The following PCDHGA4 variants were observed in gnomAD, a reference collection of about 807,000 sequenced individuals.
PCDHGA4 encodes protocadherin gamma-A4.
Under a neutral mutation model 54.6 loss-of-function variants are expected in PCDHGA4, and 38 were observed. The ratio of observed to expected loss-of-function variants is 0.70; its 90% CI spans 0.54 to 0.91. The LOEUF is 0.91. Among genes scored for constraint, PCDHGA4 ranks in the 40% least tolerant of loss-of-function variants. PCDHGA4 has a pLI of 0.00. For synonymous variants in PCDHGA4, 511 were observed against 512.9 expected (o/e 1.00, Z 0.05); for missense variants, 1,298 against 1,220.9 (o/e 1.06, Z -0.94).
At chr5:141,501,326 CACACA>C (rs2099807944) in intron 2 of PCDHGA4, among the ~76,000 whole-genome samples, 1 of 151,784 alleles carries the variant, frequency 6.6e-6, no homozygotes, top group Non-Finnish European at 1.5e-5. Flanking sequence ...CACACACACA[CACACA>C]CACCCCAAAC....
At chr5:141,497,499 C>G (rs1217418941) in intron 2 of PCDHGA4, among the ~76,000 whole-genome samples, 3 of 151,416 alleles carry the variant, frequency 2.0e-5, no homozygotes, top group Non-Finnish European at 4.4e-5. Context: ...TCTCTCTCCT[C>G]TCTCTGCTTC....
chr5:141,384,804 A>C (rs1780531756), intron 1 of PCDHGA4: 1 of 1,613,332 alleles, frequency 6.2e-7, no homozygotes, highest in Non-Finnish European at 8.5e-7. Flanking sequence ...TGCTGGACAG[A>C]GATGCCCTCA....
chr5:141,495,276 G>A (rs1350329744), intron 2 of PCDHGA4, among the ~76,000 whole-genome samples: 1 of 152,190 alleles, frequency 6.6e-6, no homozygotes, highest in East Asian at 1.9e-4. Flanking sequence ...GACCGGAGGA[G>A]GCGGTCCGCA....
chr5:141,376,578 AT>A (rs1281725359), intron 1 of PCDHGA4: 1 of 1,590,896 alleles, frequency 6.3e-7, no homozygotes, highest in South Asian at 1.1e-5. Flanking sequence ...AGACAGGCTC[AT>A]CAGCTAGATC....
chr5:141,476,357 C>G lies in PCDHGA4; in HGVS notation c.2515-18450C>G. On this transcript the variant is annotated intron_variant, in intron 1 of 3. Transcript: ENST00000571252. The surrounding 1 kb of genome is among the most constrained non-coding windows in gnomAD (Gnocchi z 7.6). ...TAGCCGAAGATTCTTTGAGGTGAAC[C>G]GGGAGACCGGAGAGATGTTTGTGAA... The G allele has an allele frequency of 6.2e-7, 1 of 1,614,052 alleles. No individual in the cohort carries two copies. Among genetic ancestry groups the G allele is most frequent in the South Asian group, 1.1e-5 (1 of 91,078 alleles).
rs70988800 is a variant in PCDHGA4 at position 141,379,889 on chromosome 5, C to CTTTTTTTTTTTTTTTT, written c.2514+22283_2514+22298dup. 2.0e-3 allele frequency among the ~76,000 whole-genome samples: 102 copies of CTTTTTTTTTTTTTTTT among 50,818 alleles called. 16 individuals carry two copies. The highest frequency in any genetic ancestry group is 2.6e-3 in the Non-Finnish European group (66 of 25,878). The allele number at this position is 50,818 out of a possible 152,430, so 33.3% of individuals were successfully genotyped here. On this transcript the variant is annotated intron_variant, in intron 1 of 3. Transcript: ENST00000571252. Reference sequence around the variant, plus strand: ...CTTATTTTATGGTCTGTGAAAGCCTCTTTTTTTTTTTTTTTTTTTTTTTTT... The same window carrying CTTTTTTTTTTTTTTTT: ...CTTATTTTATGGTCTGTGAAAGCCTCTTTTTTTTTTTTTTTTTTTTTTTTTTTTTTTTTTTTTTTTT...
rs1290674122 is a variant in PCDHGA4 at position 141,489,521 on chromosome 5, G to A, written c.2515-5286G>A. 3 of 1,613,988 alleles carry A rather than the reference G, an allele frequency of 1.9e-6. No individual in the cohort carries two copies. The highest frequency in any genetic ancestry group is 2.2e-5 in the East Asian group (1 of 44,886). On this transcript the variant is annotated intron_variant, in intron 1 of 3. Coordinates refer to ENST00000571252, the MANE Select transcript of PCDHGA4 (RefSeq NM_018917.4). This position sits in a 1 kb window ranked among gnomAD's most constrained non-coding sequence, Gnocchi z 4.5. ...GTGAATCAAAAGATTGACCGAGAAAGCCTATGTGGAGCCAGCACCAGCTGC... is the reference window on the plus strand; with the variant it reads ...GTGAATCAAAAGATTGACCGAGAAAACCTATGTGGAGCCAGCACCAGCTGC...
chr5:141,423,138 C>A (rs767107885), intron 1 of PCDHGA4: 3 of 1,613,606 alleles, frequency 1.9e-6, no homozygotes, highest in Non-Finnish European at 2.5e-6. Context: ...TGGACAGAGA[C>A]GCGCTCAAGC....
At chr5:141,405,505 C>A in intron 1 of PCDHGA4, 2 of 751,126 alleles carry the variant, frequency 2.7e-6, no homozygotes, top group Non-Finnish European at 4.2e-6. Context: ...TTGCAACCTC[C>A]GCCTCCCAAA....
At chr5:141,371,390 A>G in intron 1 of PCDHGA4, 1 of 1,614,000 alleles carries the variant, frequency 6.2e-7, no homozygotes, top group East Asian at 2.2e-5. Flanking sequence ...CATATTGTAA[A>G]GTACAGATAG....
chr5:141,510,428 G>A (rs1254357998), intron 3 of PCDHGA4, among the ~76,000 whole-genome samples: 2 of 152,092 alleles, frequency 1.3e-5, no homozygotes, highest in African/African-American at 4.8e-5. Flanking sequence ...TGGTTTCATG[G>A]CTGCTGCCCT....
At chr5:141,505,085 C>A (rs954289918) in intron 2 of PCDHGA4, among the ~76,000 whole-genome samples, 1 of 152,162 alleles carries the variant, frequency 6.6e-6, no homozygotes, top group Non-Finnish European at 1.5e-5. Context: ...TCGCTTGAAC[C>A]CAGGAGGTGG....
intron 1 of PCDHGA4, chr5:141,383,689 G>A (rs773858539): frequency 1.9e-6 from 3 of 1,614,036 alleles, no homozygotes; most frequent in South Asian, 1.1e-5. Flanking sequence ...ACTGCTCACG[G>A]TACATGCTAT....
At chr5:141,410,105 A>G in intron 1 of PCDHGA4, 1 of 1,612,376 alleles carries the variant, frequency 6.2e-7, no homozygotes, top group South Asian at 1.1e-5. Context: ...CTTAGGCGAC[A>G]GGGACGCAGC....
intron 1 of PCDHGA4, among the ~76,000 whole-genome samples, chr5:141,405,944 A>T (rs1435240635): frequency 6.6e-6 from 1 of 152,130 alleles, no homozygotes; most frequent in East Asian, 1.9e-4. Flanking sequence ...TCATGTTCTC[A>T]TAATAATTAA....
At chr5:141,389,552 T>C (rs752525339) in intron 1 of PCDHGA4, 14 of 1,613,104 alleles carry the variant, frequency 8.7e-6, no homozygotes, top group East Asian at 6.7e-5. Context: ...GCAACGACAA[T>C]GCGCCACGGG....
chr5:141,413,656 G>A, intron 1 of PCDHGA4: 1 of 1,613,872 alleles, frequency 6.2e-7, no homozygotes, highest in Non-Finnish European at 8.5e-7. Flanking sequence ...TCTCCCGGAA[G>A]CTATTGATCC....
In PCDHGA4 at chr5:141,356,785, C is replaced by A. The variant is rs377527999; in HGVS notation, c.1678C>A (p.Gln560Lys). 55 of 1,613,962 alleles carry A rather than the reference C, an allele frequency of 3.4e-5. No individual in the cohort carries two copies. The highest frequency in any genetic ancestry group is 6.7e-5 in the Admixed American group (4 of 60,030). Residue 560 changes from glutamine to lysine, a missense_variant, in exon 1 of 4, where the codon CAG becomes AAG. Transcript: ENST00000571252. The stretch of plus-strand genomic sequence containing the variant: ...CGACTATGAGCAGTTTAGAGACCTG[C>A]AGCTGCTGATGACAGCCAGTGACAG... Reference protein sequence around the residue: ...SFDYEQFRDLQLLMTASDSGD... With the variant: ...SFDYEQFRDLKLLMTASDSGD...
intron 1 of PCDHGA4, chr5:141,389,176 C>G (rs775758481): frequency 6.2e-7 from 1 of 1,614,064 alleles, no homozygotes; most frequent in South Asian, 1.1e-5. Flanking sequence ...CCTCCCCTCT[C>G]CTCCAGTTCC....
Sources: allele counts gnomAD v4.1 joint callset (sites outside exome capture counted in the v4.1 genomes callset), GRCh38; gene constraint gnomAD v4.1.1; non-coding constraint Gnocchi (gnomAD v3.1); transcripts MANE v1.5; gene names NCBI Gene and HGNC (gene_info 2026-07-23, HGNC 2026-07-21).